Variants in MAF observed in about 807,000 individuals in gnomAD.
MAF encodes the protein transcription factor Maf.
Under a neutral mutation model 22.0 loss-of-function variants are expected in MAF, and 10 were observed. The ratio of observed to expected loss-of-function variants is 0.45; its 90% CI spans 0.28 to 0.77. MAF has a LOEUF of 0.77. Among genes scored for constraint, MAF ranks in the 30% least tolerant of loss-of-function variants. The pLI is 0.12. For synonymous variants in MAF, 337 were observed against 255.8 expected, an observed-to-expected ratio of 1.32 and a Z score of -3.03; for missense variants, 544 against 548.4, an observed-to-expected ratio of 0.99 and a Z score of 0.08.
chr16:79,449,954 G>T, the MAF span, among the ~76,000 whole-genome samples: 1 of 152,176 alleles, frequency 6.6e-6, no homozygotes, highest in South Asian at 2.1e-4. Flanking sequence ...CTTTTAAGAT[G>T]GGCAGAAATT....
the MAF span, among the ~76,000 whole-genome samples, chr16:79,321,674 G>A: frequency 5.0e-4 from 65 of 130,672 alleles, 1 homozygote; most frequent in South Asian, 0.013. Flanking sequence ...TTTTTGAGAC[G>A]GAGTCTCGCT....
At chr16:79,282,190 A>T in the MAF span, among the ~76,000 whole-genome samples, 1 of 152,186 alleles carries the variant, frequency 6.6e-6, no homozygotes, top group Non-Finnish European at 1.5e-5. Context: ...GCCAATTAGG[A>T]AGCCAAAAGT....
the MAF span, among the ~76,000 whole-genome samples, chr16:79,339,063 T>A: frequency 6.6e-6 from 1 of 151,948 alleles, no homozygotes; most frequent in South Asian, 2.1e-4. Flanking sequence ...TTTTATTTTT[T>A]ATTTTTTAAT....
the MAF span, among the ~76,000 whole-genome samples, chr16:79,286,074 G>A: frequency 6.6e-6 from 1 of 152,204 alleles, no homozygotes; most frequent in South Asian, 2.1e-4. Flanking sequence ...TAAGTTTATT[G>A]AGAGATCAAA....
At chr16:79,255,225 C>G in the MAF span, among the ~76,000 whole-genome samples, 2 of 152,348 alleles carry the variant, frequency 1.3e-5, no homozygotes, top group African/African-American at 4.8e-5. Flanking sequence ...CTTTGGTTAA[C>G]TTCAGTCCAG....
chr16:79,445,295 G>C, the MAF span, among the ~76,000 whole-genome samples: 1 of 151,914 alleles, frequency 6.6e-6, no homozygotes, highest in Non-Finnish European at 1.5e-5. Flanking sequence ...TGCCCGCCTT[G>C]GCCTCCCAAA....
chr16:79,454,029 T>C, the MAF span, among the ~76,000 whole-genome samples: 1 of 152,226 alleles, frequency 6.6e-6, no homozygotes, highest in African/African-American at 2.4e-5. Context: ...ATTGAGATTC[T>C]ACAACTGGCC....
the MAF span, among the ~76,000 whole-genome samples, chr16:79,340,986 A>G: frequency 6.6e-6 from 1 of 152,200 alleles, no homozygotes; most frequent in Non-Finnish European, 1.5e-5. Context: ...CCTCAAGATG[A>G]AGAGGGACCA....
the MAF span, among the ~76,000 whole-genome samples, chr16:79,549,078 C>T: frequency 6.6e-6 from 1 of 152,082 alleles, no homozygotes; most frequent in Non-Finnish European, 1.5e-5. Flanking sequence ...ATATCATTAC[C>T]TCCTTTGAAG....
chr16:79,597,203 C>CG, intron 1 of MAF: 1 of 1,053,394 alleles, frequency 9.5e-7, no homozygotes, highest in Non-Finnish European at 1.1e-6. Flanking sequence ...TTTAAAAAAT[C>CG]TACAGCTAAA....
At chr16:79,320,721 G>A in the MAF span, among the ~76,000 whole-genome samples, 3 of 152,324 alleles carry the variant, frequency 2.0e-5, no homozygotes, top group South Asian at 6.2e-4. Flanking sequence ...GAGCTGTTGT[G>A]AACATTAAAT....
At chr16:79,289,009 C>T in the MAF span, among the ~76,000 whole-genome samples, 296 of 152,310 alleles carry the variant, frequency 1.9e-3, no homozygotes, top group Middle Eastern at 6.8e-3. Context: ...GGATTACAGG[C>T]GTAAGCCACT....
the MAF span, among the ~76,000 whole-genome samples, chr16:79,444,939 C>G: frequency 5.3e-5 from 8 of 152,224 alleles, no homozygotes; most frequent in African/African-American, 1.7e-4. Flanking sequence ...GAACAGAAAG[C>G]CTGCTACGTG....
the MAF span, among the ~76,000 whole-genome samples, chr16:79,299,442 C>G: frequency 1.3e-5 from 2 of 151,548 alleles, no homozygotes; most frequent in African/African-American, 4.9e-5. Flanking sequence ...ATTAAGATAA[C>G]AAAAGGTCCT....
At chr16:79,595,042 CT>C (rs1455170853) in intron 1 of MAF, 1 of 1,051,598 alleles carries the variant, frequency 9.5e-7, no homozygotes, top group Non-Finnish European at 1.1e-6. Flanking sequence ...TGCCTAAAAT[CT>C]TTCATCAGAT....
chr16:79,333,828 T>A, the MAF span, among the ~76,000 whole-genome samples: 1 of 152,134 alleles, frequency 6.6e-6, no homozygotes, highest in Admixed American at 6.5e-5. Flanking sequence ...TCTGGTAATA[T>A]CATCACACAC....
the MAF span, among the ~76,000 whole-genome samples, chr16:79,533,462 G>A: frequency 1.3e-5 from 2 of 152,064 alleles, no homozygotes; most frequent in Non-Finnish European, 2.9e-5. Context: ...AGGGTAGTGT[G>A]GTCATTCACA....
chr16:79,595,603 G>A, intron 1 of MAF: 1 of 1,059,098 alleles, frequency 9.4e-7, no homozygotes. Context: ...CAGCGCTTAG[G>A]AGTCCTACTA....
chr16:79,319,530 G>A, the MAF span, among the ~76,000 whole-genome samples: 1 of 152,182 alleles, frequency 6.6e-6, no homozygotes, highest in Non-Finnish European at 1.5e-5. Flanking sequence ...CACAGAAATA[G>A]AAAATTTGGG....
Sources: gnomAD v4.1 joint callset for allele counts (sites outside exome capture counted in the v4.1 genomes callset) on GRCh38, gnomAD v4.1.1 for gene constraint, MANE v1.5 for transcripts, NCBI Gene and HGNC (gene_info 2026-07-23, HGNC 2026-07-21) for gene names.